The following HMGCLL1 variants were observed in gnomAD, a reference collection of about 807,000 sequenced individuals.
HMGCLL1 encodes 3-hydroxymethyl-3-methylglutaryl-CoA lyase, cytoplasmic.
HMGCLL1 carries 36 observed loss-of-function variants against 39.1 expected under a neutral mutation model. The ratio of observed to expected loss-of-function variants is 0.92; its 90% CI spans 0.71 to 1.22. HMGCLL1 has a LOEUF of 1.22. Among genes scored for constraint, HMGCLL1 ranks in the 50% most tolerant of loss-of-function variants. The pLI is 0.00. For synonymous variants in HMGCLL1, 149 were observed against 144.0 expected (o/e 1.03, Z -0.25); for missense variants, 451 against 416.5 (o/e 1.08, Z -0.72).
At chr6:55,666,870 A>G in the HMGCLL1 span, among the ~76,000 whole-genome samples, 2 of 151,688 alleles carry the variant, frequency 1.3e-5, no homozygotes, top group African/African-American at 4.8e-5. Flanking sequence ...GTACCAAAAG[A>G]CATCGCAACT....
intron 7 of HMGCLL1, among the ~76,000 whole-genome samples, chr6:55,477,306 A>ATC (rs1353792224): frequency 1.0e-3 from 12 of 11,732 alleles, no homozygotes; most frequent in African/African-American, 9.7e-3. Context: ...AATATATATT[A>ATC]TATATATAAT....
At chr6:55,483,197 G>C (rs1279642276) in intron 7 of HMGCLL1, among the ~76,000 whole-genome samples, 1 of 152,106 alleles carries the variant, frequency 6.6e-6, no homozygotes, top group South Asian at 2.1e-4. Context: ...TGGATATTTG[G>C]GGGATGTAGT....
intron 1 of HMGCLL1, chr6:55,566,529 A>G: frequency 2.2e-6 from 1 of 447,720 alleles, no homozygotes; most frequent in East Asian, 7.0e-5. Context: ...GAGCCCGAAC[A>G]CTGAATCCTA....
chr6:55,548,646 C>A (rs936448442), intron 1 of HMGCLL1, among the ~76,000 whole-genome samples: 2 of 151,708 alleles, frequency 1.3e-5, no homozygotes, highest in Non-Finnish European at 2.9e-5. Flanking sequence ...GTAGCTTCAG[C>A]AATAAATGCA....
the HMGCLL1 span, among the ~76,000 whole-genome samples, chr6:55,595,172 C>T: frequency 3.1e-4 from 47 of 152,256 alleles, no homozygotes; most frequent in African/African-American, 9.4e-4. Flanking sequence ...GAAAATCACA[C>T]GACACAAATC....
chr6:55,664,362 T>C, the HMGCLL1 span, among the ~76,000 whole-genome samples: 1 of 151,782 alleles, frequency 6.6e-6, no homozygotes, highest in Non-Finnish European at 1.5e-5. Flanking sequence ...GCAGGTCTGG[T>C]AGTAATAAAC....
intron 7 of HMGCLL1, among the ~76,000 whole-genome samples, chr6:55,462,248 G>T (rs912709283): frequency 1.9e-4 from 29 of 152,192 alleles, no homozygotes; most frequent in Non-Finnish European, 2.9e-4. Context: ...CTAAAATGCT[G>T]CCATCTGCTC....
intron 7 of HMGCLL1, among the ~76,000 whole-genome samples, chr6:55,459,717 G>A (rs758039410): frequency 3.3e-5 from 5 of 151,986 alleles, no homozygotes; most frequent in Admixed American, 6.6e-5. Context: ...AAATTGAGAT[G>A]TATAAATCAG....
chr6:55,438,635 T>C (rs1043917980), intron 8 of HMGCLL1, among the ~76,000 whole-genome samples: 6 of 151,910 alleles, frequency 3.9e-5, no homozygotes, highest in African/African-American at 1.2e-4. Flanking sequence ...AGGAATAAAA[T>C]GGTACAGAAC....
At position 55,495,559 on chromosome 6, in the gene HMGCLL1, C is replaced by T. The variant is rs1164650683; in HGVS notation, c.655G>A (p.Asp219Asn). ...CCTGGAGTTCCCACTCCAATTGTGT[C>T]TCCTAGAGAGATCTCATAACAACCC... The part of the protein sequence containing the change: ...GMGCYEISLG[D>N]TIGVGTPGSM... Residue 219 changes from aspartate (D) to asparagine (N), a missense_variant, in exon 7 of 9, where the codon GAC (aspartate) becomes AAC (asparagine). Coordinates refer to ENST00000274901, the MANE Select transcript of HMGCLL1 (RefSeq NM_001042406.2). 1.2e-6 allele frequency: 2 copies of T among 1,613,450 alleles called. No individual in the cohort carries two copies. The highest frequency in any genetic ancestry group is 1.7e-6 in the Non-Finnish European group (2 of 1,179,618).
chr6:55,563,553 T>C (rs1426739549), intron 1 of HMGCLL1, among the ~76,000 whole-genome samples: 1 of 152,176 alleles, frequency 6.6e-6, no homozygotes, highest in African/African-American at 2.4e-5. Flanking sequence ...ATTTTAAATA[T>C]TTTAAACTTT....
At chr6:55,640,380 T>C in the HMGCLL1 span, among the ~76,000 whole-genome samples, 1 of 152,062 alleles carries the variant, frequency 6.6e-6, no homozygotes, top group African/African-American at 2.4e-5. Context: ...GCTTGCCTAC[T>C]ACAAGAATGA....
At chr6:55,553,248 C>CGTGTGTGTGTGTGTGTGTGT (rs70986735) in intron 1 of HMGCLL1, among the ~76,000 whole-genome samples, 25 of 143,720 alleles carry the variant, frequency 1.7e-4, no homozygotes, top group East Asian at 2.1e-4. Flanking sequence ...TACATATATA[C>CGTGTGTGTGTGTGTGTGTGT]GTGTGTGTGT....
chr6:55,651,348 T>A, the HMGCLL1 span, among the ~76,000 whole-genome samples: 1 of 152,096 alleles, frequency 6.6e-6, no homozygotes, highest in Non-Finnish European at 1.5e-5. Flanking sequence ...TGGGTTTCCC[T>A]TTTGGCCAAG....
chr6:55,509,579 A>G (rs961638484), intron 5 of HMGCLL1, among the ~76,000 whole-genome samples: 3 of 151,854 alleles, frequency 2.0e-5, no homozygotes, highest in African/African-American at 7.2e-5. Flanking sequence ...GTAGTTATAA[A>G]TTATCTCTCA....
the HMGCLL1 span, among the ~76,000 whole-genome samples, chr6:55,625,459 G>C: frequency 5.3e-5 from 8 of 152,084 alleles, no homozygotes; most frequent in African/African-American, 1.9e-4. Flanking sequence ...GCCTCATGGG[G>C]AGTTCCTTAT....
chr6:55,651,359 C>A, the HMGCLL1 span, among the ~76,000 whole-genome samples: 2 of 152,062 alleles, frequency 1.3e-5, no homozygotes, highest in African/African-American at 4.8e-5. Context: ...TTTGGCCAAG[C>A]CTGTGTCTAG....
chr6:55,512,661 C>T (rs1282441764), intron 5 of HMGCLL1: 1 of 151,962 alleles, frequency 6.6e-6, no homozygotes, highest in Non-Finnish European at 1.5e-5. Flanking sequence ...TCTAATTGTT[C>T]CCCCAAAACA....
the HMGCLL1 span, among the ~76,000 whole-genome samples, chr6:55,591,091 A>G: frequency 6.6e-6 from 1 of 152,096 alleles, no homozygotes; most frequent in Non-Finnish European, 1.5e-5. Flanking sequence ...TGTACATGGT[A>G]TTTCCTGCTT....
Sources: gnomAD v4.1 joint callset for allele counts (sites outside exome capture counted in the v4.1 genomes callset) on GRCh38, gnomAD v4.1.1 for gene constraint, MANE v1.5 for transcripts, NCBI Gene and HGNC (gene_info 2026-07-23, HGNC 2026-07-21) for gene names.